The following OR6J1 variants were observed in gnomAD, a reference collection of about 807,000 sequenced individuals.
OR6J1 encodes the protein olfactory receptor family 6 subfamily J member 1, also known as olfactory receptor 6J1.
For synonymous variants in OR6J1, 109 were observed against 70.0 expected, an observed-to-expected ratio of 1.56 and a Z score of -2.78; for missense variants, 304 against 166.8, an observed-to-expected ratio of 1.82 and a Z score of -4.53.
At chr14:22,638,626 G>A (rs1168138186) in intron 1 of OR6J1, among the ~76,000 whole-genome samples, 1 of 67,244 alleles carries the variant, frequency 1.5e-5, no homozygotes. Flanking sequence ...CCCCCTCTGC[G>A]AGAAACACCC....
At chr14:22,639,137 G>A (rs1292515312) in intron 1 of OR6J1, among the ~76,000 whole-genome samples, 108 of 97,128 alleles carry the variant, frequency 1.1e-3, no homozygotes, top group African/African-American at 7.0e-3. Flanking sequence ...CAGCTGCCCC[G>A]TCTGAGAAGT....
At chr14:22,636,399 T>C (rs1253657151) in intron 1 of OR6J1, among the ~76,000 whole-genome samples, 26 of 240 alleles carry the variant, frequency 0.11, 4 homozygotes, top group South Asian at 0.5. Context: ...CCTCTCCCTC[T>C]CCCTCCCTCT....
chr14:22,639,231 T>TG (rs1371975730), intron 1 of OR6J1, among the ~76,000 whole-genome samples: 4 of 113,202 alleles, frequency 3.5e-5, no homozygotes, highest in African/African-American at 1.7e-4. Flanking sequence ...GGGAGGGAGG[T>TG]GGTGGGGGGT....
rs56108058 is a variant in OR6J1, at chr14:22,633,049, C to T, written c.*719G>A. 6.6e-6 allele frequency: 1 copy of T among 151,908 alleles called. No homozygotes were observed. The highest frequency in any genetic ancestry group is 1.5e-5 in the Non-Finnish European group (1 of 67,990). The allele number at this position is 151,908 out of a possible 1,614,324, so 9.4% of individuals were successfully genotyped here. Reference sequence around the variant, plus strand: ...TTTTGCTTCAATTTCTCAAAAAAGTCGTATCTGTTTACACAGCTCCTCTGG... The same window carrying T: ...TTTTGCTTCAATTTCTCAAAAAAGTTGTATCTGTTTACACAGCTCCTCTGG... On this transcript the variant is annotated 3_prime_UTR_variant, in exon 2 of 2. Coordinates refer to ENST00000540461, the MANE Select transcript of OR6J1 (RefSeq NM_001348233.2).
At chr14:22,643,762 C>CAGAGAGAGAGAGAGAG (rs71421136) in intron 1 of OR6J1, among the ~76,000 whole-genome samples, 8 of 53,118 alleles carry the variant, frequency 1.5e-4, no homozygotes, top group Admixed American at 1.2e-3. Flanking sequence ...CACACACACA[C>CAGAGAGAGAGAGAGAG]ACAGAGAGAG....
rs1291739048 is a variant in OR6J1 at position 22,633,785 on chromosome 14, C to T, written c.1027G>A (p.Val343Ile). The T allele has an allele frequency of 4.4e-6, 3 of 688,638 alleles. No individual in the cohort carries two copies. The highest frequency in any genetic ancestry group is 3.5e-5 in the African/African-American group (2 of 56,824). The allele number at this position is 688,638 out of a possible 1,614,324, so 42.7% of individuals were successfully genotyped here. A position where few individuals can be genotyped will look rare whatever the true frequency, so the allele number is the denominator to read the frequency against. Reference sequence around the variant, plus strand: ...CTCTCTTTCTAACACTGGAGCTTTACAGAATAGACACATGGTGGAGAAGAG... The same window carrying T: ...CTCTCTTTCTAACACTGGAGCTTTATAGAATAGACACATGGTGGAGAAGAG... ...ACSSPPCVYS[V>I]KLQC The change falls in exon 2 of 2, where the codon GTA becomes ATA. Residue 343 changes from valine (V) to isoleucine (I), a missense_variant. Physicochemically the swap from Val to Ile is conservative, Grantham distance 29. Transcript: ENST00000540461.
chr14:22,642,282 CTG>C (rs1304871480), intron 1 of OR6J1, among the ~76,000 whole-genome samples: 1 of 144,976 alleles, frequency 6.9e-6, no homozygotes, highest in African/African-American at 2.6e-5. Flanking sequence ...ATTCACAAAA[CTG>C]TGTGTCCATC....
intron 1 of OR6J1, among the ~76,000 whole-genome samples, chr14:22,637,868 T>G (rs866825633): frequency 0.016 from 198 of 12,262 alleles, 10 homozygotes; most frequent in African/African-American, 0.03. Context: ...GCGGGGGGGG[T>G]GGGGTCGGCC....
rs1037383268 is a variant in OR6J1 at position 22,632,583 on chromosome 14, G to C, written c.*1185C>G. The C allele has an allele frequency of 2.0e-5, 3 of 152,260 alleles. No individual in the cohort carries two copies. The highest frequency in any genetic ancestry group is 4.4e-5 in the Non-Finnish European group (3 of 68,100). The allele number at this position is 152,260 out of a possible 1,614,324, so 9.4% of individuals were successfully genotyped here. ...TCCGTCTCAAAACAAAAACAAAACAGATTCTTTCCAGGTGTATGGAGCCAG... is the reference window on the plus strand; with the variant it reads ...TCCGTCTCAAAACAAAAACAAAACACATTCTTTCCAGGTGTATGGAGCCAG... On this transcript the variant is annotated 3_prime_UTR_variant, in exon 2 of 2. Transcript: ENST00000540461.
In OR6J1 at chr14:22,636,990, T is replaced by A. The variant is rs1159125864; in HGVS notation, c.-27-2152A>T. Among the ~76,000 whole-genome samples, 4 of 123,330 alleles carry A rather than the reference T, an allele frequency of 3.2e-5. 1 individual carries two copies. Among genetic ancestry groups the A allele is most frequent in the Non-Finnish European group, 4.9e-5 (3 of 61,416 alleles). 80.9% of individuals were successfully genotyped at this position (123,330 alleles called of 152,430 possible). On this transcript the variant is annotated intron_variant, in intron 1 of 1. Coordinates refer to ENST00000540461, the MANE Select transcript of OR6J1 (RefSeq NM_001348233.2). ...CGAGGAGCGCCTCTTCCCGGCCGCCTTCCCATCTAGGAAGTGAGGAGCGTC... is the reference window on the plus strand; with the variant it reads ...CGAGGAGCGCCTCTTCCCGGCCGCCATCCCATCTAGGAAGTGAGGAGCGTC...
At chr14:22,640,298 G>GGAGGGGAGGA (rs147634012) in intron 1 of OR6J1, among the ~76,000 whole-genome samples, 1 of 97,600 alleles carries the variant, frequency 1.0e-5, no homozygotes, top group South Asian at 3.9e-4. Context: ...AAGGGGGAAG[G>GGAGGGGAGGA]GAGGGGAGGA....
chr14:22,640,335 A>G (rs1594903642), intron 1 of OR6J1, among the ~76,000 whole-genome samples: 1 of 113,320 alleles, frequency 8.8e-6, no homozygotes, highest in African/African-American at 3.4e-5. Flanking sequence ...AGGAGGGTAG[A>G]GGGGATGGGA....
At chr14:22,638,649 T>TA (rs1184976586) in intron 1 of OR6J1, among the ~76,000 whole-genome samples, 19 of 38,238 alleles carry the variant, frequency 5.0e-4, no homozygotes, top group East Asian at 2.5e-3. Flanking sequence ...GAATGATCAA[T>TA]AAAAAAAATA....
chr14:22,637,127 G>A lies in OR6J1; in HGVS notation c.-27-2289C>T, dbSNP rs1402614079. Among the ~76,000 whole-genome samples the A allele has an allele frequency of 3.4e-5, 4 of 116,120 alleles. 1 individual carries two copies. The highest frequency in any genetic ancestry group is 7.5e-5 in the Admixed American group (1 of 13,410). 76.2% of individuals were successfully genotyped at this position (116,120 alleles called of 152,430 possible). The stretch of plus-strand genomic sequence containing the variant: ...CAACCCTGTCTGAGAGGTGAGGAGC[G>A]TCTCTGCCCGGCCGCCCTGTCTGAG... On this transcript the variant is annotated intron_variant, in intron 1 of 1. Transcript: ENST00000540461.
intron 1 of OR6J1, among the ~76,000 whole-genome samples, chr14:22,643,781 A>AGAGAGAGAGAGG (rs2037670625): frequency 6.7e-6 from 1 of 150,042 alleles, no homozygotes. Context: ...AGAGAGAGAG[A>AGAGAGAGAGAGG]GAGAGAGAGA....
In OR6J1 at chr14:22,633,780, C is replaced by A. The variant is rs2139290397; in HGVS notation, c.1032G>T (p.Lys344Asn). 1.5e-6 allele frequency: 1 copy of A among 684,168 alleles called. No individual in the cohort carries two copies. Among genetic ancestry groups the A allele is most frequent in the Admixed American group, 2.1e-5 (1 of 47,416 alleles). The allele number at this position is 684,168 out of a possible 1,614,324, so 42.4% of individuals were successfully genotyped here. ...AGCTCCTCTCTTTCTAACACTGGAG[C>A]TTTACAGAATAGACACATGGTGGAG... is the stretch of plus-strand genomic sequence containing the variant. Reference protein sequence around the residue: ...CSSPPCVYSVKLQC With the variant: ...CSSPPCVYSVNLQC Residue 344 changes from lysine (K) to asparagine (N), a missense_variant, in exon 2 of 2, where the codon AAG (lysine) becomes AAT (asparagine). Transcript: ENST00000540461.
intron 1 of OR6J1, among the ~76,000 whole-genome samples, chr14:22,639,883 A>G (rs1257246237): frequency 1.7e-5 from 2 of 116,606 alleles, no homozygotes; most frequent in Non-Finnish European, 3.5e-5. Context: ...GGAAAACCAG[A>G]GACCTTTGTT....
chr14:22,642,034 G>A (rs1200530308), intron 1 of OR6J1, among the ~76,000 whole-genome samples: 1 of 151,914 alleles, frequency 6.6e-6, no homozygotes, highest in Non-Finnish European at 1.5e-5. Context: ...AAATCCCGAG[G>A]ACTGAGTTGA....
intron 1 of OR6J1, among the ~76,000 whole-genome samples, chr14:22,642,453 C>T (rs1368216407): frequency 6.6e-6 from 1 of 151,526 alleles, no homozygotes; most frequent in Non-Finnish European, 1.5e-5. Context: ...ATTCTCCTGC[C>T]TCAGCCTCCT....
Sources: allele counts gnomAD v4.1 joint callset (sites outside exome capture counted in the v4.1 genomes callset), GRCh38; gene constraint gnomAD v4.1.1; transcripts MANE v1.5; gene names NCBI Gene and HGNC (gene_info 2026-07-23, HGNC 2026-07-21).